Variants in TANGO6 observed in about 807,000 individuals in gnomAD.
The protein encoded by TANGO6 is transport and Golgi organization protein 6 homolog.
In TANGO6, 90 loss-of-function variants were observed where a neutral mutation model predicts 114.2. The observed-to-expected ratio is 0.79, with a 90% CI of 0.66 to 0.94. TANGO6 has a LOEUF of 0.94. Among genes scored for constraint, TANGO6 ranks in the 40% least tolerant of loss-of-function variants. The probability of loss-of-function intolerance (pLI) is 0.00; values close to 1 mark genes in which losing one functional copy is unlikely to be tolerated. For missense variants in TANGO6, 1,274 were observed against 1,315.3 expected, an observed-to-expected ratio of 0.97 and a Z score of 0.49; for synonymous variants, 477 against 509.8, an observed-to-expected ratio of 0.94 and a Z score of 0.87.
intron 11 of TANGO6, 115 bp from the exon 12 acceptor site, chr16:68,918,970 G>T: frequency 7.7e-7 from 1 of 1,300,398 alleles, no homozygotes. Context: ...GTTCTGGATG[G>T]TTCTTGCTAT....
intron 14 of TANGO6, among the ~76,000 whole-genome samples, chr16:68,967,027 C>T (rs907290133): frequency 4.6e-5 from 7 of 152,126 alleles, no homozygotes; most frequent in African/African-American, 1.7e-4. Context: ...CTACTTCAGC[C>T]TCCCGAAGTG....
intron 17 of TANGO6, among the ~76,000 whole-genome samples, chr16:69,049,230 C>G (rs1221472487): frequency 6.6e-6 from 1 of 152,038 alleles, no homozygotes; most frequent in Non-Finnish European, 1.5e-5. Context: ...ACTCCACTCC[C>G]CAATTCTCCT....
chr16:69,035,887 C>T (rs760558277), intron 16 of TANGO6: 5 of 152,022 alleles, frequency 3.3e-5, no homozygotes, highest in Admixed American at 1.3e-4. Flanking sequence ...CCTATCTCTA[C>T]TAAAAATACA....
chr16:69,017,059 C>T (rs1959312682), intron 15 of TANGO6, among the ~76,000 whole-genome samples: 1 of 151,952 alleles, frequency 6.6e-6, no homozygotes, highest in Non-Finnish European at 1.5e-5. Context: ...AATAAGTGAA[C>T]TAATTGAAGG....
chr16:68,858,018 G>C (rs1962027372), intron 1 of TANGO6, among the ~76,000 whole-genome samples: 1 of 151,550 alleles, frequency 6.6e-6, no homozygotes, highest in Admixed American at 6.6e-5. Context: ...TTCCTTAAAT[G>C]ATTCATCAGT....
chr16:68,961,572 A>G (rs1963591318), intron 14 of TANGO6, among the ~76,000 whole-genome samples: 1 of 152,226 alleles, frequency 6.6e-6, no homozygotes, highest in East Asian at 1.9e-4. Flanking sequence ...TTTATTAATA[A>G]TATTTCATCA....
chr16:68,983,902 G>T (rs370029408), intron 15 of TANGO6, among the ~76,000 whole-genome samples: 1 of 151,938 alleles, frequency 6.6e-6, no homozygotes, highest in Non-Finnish European at 1.5e-5. Context: ...TCGTGTTGGC[G>T]GGTGCCTGTT....
chr16:68,933,530 A>G (rs1963268233), intron 14 of TANGO6, among the ~76,000 whole-genome samples: 1 of 152,218 alleles, frequency 6.6e-6, no homozygotes, highest in South Asian at 2.1e-4. Context: ...TTGGCTGGGC[A>G]GCTGGCCCCT....
intron 14 of TANGO6, among the ~76,000 whole-genome samples, chr16:68,932,505 C>T (rs75045263): frequency 0.025 from 3,846 of 152,054 alleles, 53 homozygotes; most frequent in African/African-American, 0.033. Context: ...ACATTAGGAC[C>T]GGGAGCAGTG....
rs1198617819 is a variant in TANGO6 at position 68,860,038 on chromosome 16, G to T, written c.249G>T (p.Trp83Cys). ...ATGAAATTGCTGATAAGGCAGAATG[G>T]CCACAAAACTCTGTGGATGTCACTT... is the stretch of plus-strand genomic sequence containing the variant. ...LRDEIADKAE[W>C]PQNSVDVTWS... Residue 83 changes from tryptophan (W) to cysteine (C), a missense_variant, in exon 2 of 18, where the codon TGG becomes TGT. This residue lies in a region of TANGO6 where 114 missense variants were observed against 104.6 expected (regional missense o/e 1.09). Transcript: ENST00000261778. 6.2e-7 allele frequency: 1 copy of T among 1,613,948 alleles called. No homozygotes were observed. The highest frequency in any genetic ancestry group is 1.1e-5 in the South Asian group (1 of 91,080).
rs775758455 is a variant in TANGO6, at chr16:68,859,979, G to C, written c.190G>C (p.Asp64His). The change falls in exon 2 of 18, where the codon GAT becomes CAT. Residue 64 changes from aspartate (D) to histidine (H), a missense_variant. Transcript: ENST00000261778. ...TGCTTTGGAGGACAAGTTTCTGAAG[G>C]ATCCTCAGTGGAAGAATCTGAAACT... ...LSALEDKFLK[D>H]PQWKNLKLLR... 1 of 1,613,546 alleles carries C rather than the reference G, an allele frequency of 6.2e-7. No individual in the cohort carries two copies. Among genetic ancestry groups the C allele is most frequent in the East Asian group, 2.2e-5 (1 of 44,876 alleles).
intron 15 of TANGO6, among the ~76,000 whole-genome samples, chr16:68,983,985 A>G (rs1335318144): frequency 6.6e-6 from 1 of 151,716 alleles, no homozygotes; most frequent in Admixed American, 6.6e-5. Flanking sequence ...GTGAGCCGAG[A>G]TCACGCCACT....
intron 12 of TANGO6, among the ~76,000 whole-genome samples, chr16:68,921,555 T>G (rs28633733): frequency 0.092 from 13,771 of 150,272 alleles, 718 homozygotes; most frequent in African/African-American, 0.12. Context: ...GTTTTGTTTT[T>G]TTTTGGTTGA....
At chr16:68,907,336 G>A (rs1186360157) in intron 9 of TANGO6, 107 bp from the exon 10 acceptor site, 1 of 1,200,280 alleles carries the variant, frequency 8.3e-7, no homozygotes. Flanking sequence ...TCTTTTTAAT[G>A]GTTAACTGTT....
chr16:68,959,176 C>T (rs1309508673), intron 14 of TANGO6, among the ~76,000 whole-genome samples: 1 of 152,154 alleles, frequency 6.6e-6, no homozygotes, highest in Non-Finnish European at 1.5e-5. Flanking sequence ...AGTTTTAAGT[C>T]CTGCATGTCA....
intron 15 of TANGO6, among the ~76,000 whole-genome samples, chr16:68,989,446 A>C (rs1403244230): frequency 6.6e-6 from 1 of 151,792 alleles, no homozygotes; most frequent in East Asian, 1.9e-4. Context: ...TGTATTTTGC[A>C]TTTCTAGAAT....
chr16:68,893,239 C>A (rs372184593), intron 7 of TANGO6, among the ~76,000 whole-genome samples: 1 of 152,056 alleles, frequency 6.6e-6, no homozygotes, highest in African/African-American at 2.4e-5. Flanking sequence ...AGATGAGATA[C>A]GAAAGAGGCC....
chr16:68,986,529 A>C (rs1963891947), intron 15 of TANGO6, among the ~76,000 whole-genome samples: 1 of 151,988 alleles, frequency 6.6e-6, no homozygotes, highest in Admixed American at 6.6e-5. Context: ...CCTTCAGTTC[A>C]TCCAAGTGAT....
rs35493432 is a variant in TANGO6 at position 68,930,635 on chromosome 16, CTTTT to C, written c.2701+355_2701+358del. On this transcript the variant is annotated intron_variant, in intron 14 of 17. Coordinates refer to ENST00000261778, the MANE Select transcript of TANGO6 (RefSeq NM_024562.2). ...ACCTTTTATGTTAGTCGGCTACTGTCTTTTTTTTTTTTTTTTTTGAGACAGAGTC... is the reference window on the plus strand; with the variant it reads ...ACCTTTTATGTTAGTCGGCTACTGTCTTTTTTTTTTTTTTGAGACAGAGTC... Among the ~76,000 whole-genome samples the C allele has an allele frequency of 1.1e-4, 15 of 134,142 alleles. No individual in the cohort carries two copies. In the East Asian group the frequency reaches 2.9e-3, roughly 26 times the overall value. The allele number at this position is 134,142 out of a possible 152,430, so 88.0% of individuals were successfully genotyped here.
Sources: allele counts gnomAD v4.1 joint callset (sites outside exome capture counted in the v4.1 genomes callset), GRCh38; gene constraint gnomAD v4.1.1; regional missense constraint gnomAD v4.1.1; transcripts MANE v1.5; gene names NCBI Gene and HGNC (gene_info 2026-07-23, HGNC 2026-07-21).